Variants in TENM3 observed in about 807,000 individuals in gnomAD.
TENM3 encodes teneurin transmembrane protein 3.
Under a neutral mutation model 255.1 loss-of-function variants are expected in TENM3, and 63 were observed. The ratio of observed to expected loss-of-function variants is 0.25; its 90% CI spans 0.20 to 0.30. TENM3 has a LOEUF of 0.30. Ranked by LOEUF, TENM3 falls within the 10% of genes least tolerant of loss-of-function variation. TENM3 has a pLI of 1.00. For synonymous variants in TENM3, 1,306 were observed against 1,322.3 expected, an observed-to-expected ratio of 0.99 and a Z score of 0.27; for missense variants, 2,929 against 3,461.1, an observed-to-expected ratio of 0.85 and a Z score of 3.86.
At chr4:182,424,286 G>T (rs1301570239) in intron 3 of TENM3, among the ~76,000 whole-genome samples, 2 of 152,060 alleles carry the variant, frequency 1.3e-5, no homozygotes, top group Admixed American at 6.5e-5. Context: ...AAATATAAAT[G>T]TAATGTTTGT....
chr4:181,797,045 A>G, the TENM3 span, among the ~76,000 whole-genome samples: 2 of 152,118 alleles, frequency 1.3e-5, no homozygotes, highest in African/African-American at 2.4e-5. Flanking sequence ...TCCCCAGTCC[A>G]GGGCCCATGT....
the TENM3 span, among the ~76,000 whole-genome samples, chr4:181,656,020 G>T: frequency 6.6e-6 from 1 of 152,160 alleles, no homozygotes; most frequent in African/African-American, 2.4e-5. Flanking sequence ...CTTGACATGT[G>T]AGTTTCCATC....
intron 17 of TENM3, among the ~76,000 whole-genome samples, chr4:182,737,401 C>T (rs1450362000): frequency 6.6e-6 from 1 of 152,108 alleles, no homozygotes; most frequent in Non-Finnish European, 1.5e-5. Flanking sequence ...TTCTTCTTCT[C>T]TTTATAACTT....
chr4:182,424,934 T>C (rs936002453), intron 3 of TENM3, among the ~76,000 whole-genome samples: 1 of 152,196 alleles, frequency 6.6e-6, no homozygotes, highest in Non-Finnish European at 1.5e-5. Flanking sequence ...ATAGAACTAT[T>C]ACGTAAAAAC....
At chr4:181,935,131 A>C in the TENM3 span, among the ~76,000 whole-genome samples, 4 of 152,246 alleles carry the variant, frequency 2.6e-5, no homozygotes, top group Non-Finnish European at 4.4e-5. Context: ...TGTAATTTTC[A>C]AGATATGCAA....
chr4:182,625,588 C>G (rs980407962), intron 4 of TENM3, among the ~76,000 whole-genome samples: 9 of 152,160 alleles, frequency 5.9e-5, no homozygotes, highest in Non-Finnish European at 1.0e-4. Context: ...AATTGTCCCA[C>G]AGTCATAGGA....
At chr4:182,001,401 C>T in the TENM3 span, among the ~76,000 whole-genome samples, 1 of 152,078 alleles carries the variant, frequency 6.6e-6, no homozygotes, top group East Asian at 1.9e-4. Context: ...AATGTGGGTG[C>T]ATTTCTCTGG....
chr4:182,720,062 T>A (rs1409687785), intron 13 of TENM3, among the ~76,000 whole-genome samples: 2 of 149,592 alleles, frequency 1.3e-5, no homozygotes, highest in South Asian at 2.2e-4. Context: ...ACCCTGTCTC[T>A]CACACACACA....
At chr4:181,630,375 C>T in the TENM3 span, among the ~76,000 whole-genome samples, 18 of 152,030 alleles carry the variant, frequency 1.2e-4, no homozygotes, top group Admixed American at 5.9e-4. Context: ...TATTGCCTTC[C>T]GCTAGCTTTT....
chr4:181,964,065 C>T, the TENM3 span, among the ~76,000 whole-genome samples: 3 of 143,984 alleles, frequency 2.1e-5, no homozygotes, highest in South Asian at 2.2e-4. Context: ...AATGACCTTC[C>T]GATTTTTTTT....
At chr4:182,190,511 G>T (rs1465038853) in intron 1 of TENM3, 1 of 152,174 alleles carries the variant, frequency 6.6e-6, no homozygotes, top group Non-Finnish European at 1.5e-5. Context: ...TGATAGCAGA[G>T]TGCTGCAACA....
intron 3 of TENM3, among the ~76,000 whole-genome samples, chr4:182,367,785 C>G (rs1185544447): frequency 6.6e-6 from 1 of 151,978 alleles, no homozygotes; most frequent in Non-Finnish European, 1.5e-5. Flanking sequence ...TATCAAAACT[C>G]AAAAATACAT....
chr4:181,605,574 G>GAA, the TENM3 span, among the ~76,000 whole-genome samples: 38 of 21,996 alleles, frequency 1.7e-3, no homozygotes, highest in South Asian at 9.3e-3. Flanking sequence ...AAGAAAGAGA[G>GAA]AGAAAGAAAG....
At chr4:181,492,401 T>G in the TENM3 span, among the ~76,000 whole-genome samples, 2 of 152,226 alleles carry the variant, frequency 1.3e-5, no homozygotes, top group African/African-American at 4.8e-5. Flanking sequence ...TAAATGCAGA[T>G]AGTATTGACA....
At chr4:181,507,414 C>A in the TENM3 span, among the ~76,000 whole-genome samples, 1 of 152,222 alleles carries the variant, frequency 6.6e-6, no homozygotes, top group African/African-American at 2.4e-5. Flanking sequence ...AAATTCCCTG[C>A]CTTCCTCTTC....
At chr4:181,625,956 A>G in the TENM3 span, among the ~76,000 whole-genome samples, 2 of 152,320 alleles carry the variant, frequency 1.3e-5, no homozygotes, top group South Asian at 2.1e-4. Context: ...TACTGTGGAC[A>G]TTTATTTGCC....
chr4:182,234,256 T>A (rs1026344553), intron 1 of TENM3, among the ~76,000 whole-genome samples: 7 of 152,084 alleles, frequency 4.6e-5, no homozygotes, highest in African/African-American at 1.7e-4. Context: ...ACAGAGCGAG[T>A]GGCCCCTGTG....
intron 6 of TENM3, among the ~76,000 whole-genome samples, chr4:182,672,734 A>T (rs117378592): frequency 2.1e-4 from 32 of 152,254 alleles, no homozygotes; most frequent in African/African-American, 7.2e-4. Flanking sequence ...GAAAGACTGT[A>T]GGTGTGAAAA....
At chr4:182,176,502 T>G (rs930581843) in intron 1 of TENM3, among the ~76,000 whole-genome samples, 4 of 152,206 alleles carry the variant, frequency 2.6e-5, no homozygotes, top group Non-Finnish European at 4.4e-5. Context: ...TTATAGAAAT[T>G]GAAACATAGA....
Sources: allele counts gnomAD v4.1 joint callset (sites outside exome capture counted in the v4.1 genomes callset), GRCh38; gene constraint gnomAD v4.1.1; transcripts MANE v1.5; gene names NCBI Gene and HGNC (gene_info 2026-07-23, HGNC 2026-07-21).